Variants in CA5A observed in about 807,000 individuals in gnomAD.
CA5A encodes carbonic anhydrase 5A, mitochondrial.
Under a neutral mutation model 37.1 loss-of-function variants are expected in CA5A, and 28 were observed. That is an observed-to-expected ratio of 0.75 (90% CI 0.56 to 1.03). CA5A has a LOEUF of 1.03. Ranked by LOEUF, CA5A falls within the 50% of genes least tolerant of loss-of-function variation. The pLI is 0.00. For synonymous variants in CA5A, 171 were observed against 158.4 expected, an observed-to-expected ratio of 1.08 and a Z score of -0.60; for missense variants, 444 against 399.9, an observed-to-expected ratio of 1.11 and a Z score of -0.94.
At chr16:87,924,072 G>A (rs1026635370) in intron 2 of CA5A, 2 of 985,428 alleles carry the variant, frequency 2.0e-6, no homozygotes, top group Non-Finnish European at 2.4e-6. Flanking sequence ...CTGAATAAAT[G>A]AATGCAAAAA....
chr16:87,936,097 G>A (rs2056466687), intron 1 of CA5A, among the ~76,000 whole-genome samples: 1 of 151,568 alleles, frequency 6.6e-6, no homozygotes, highest in Non-Finnish European at 1.5e-5. Context: ...GCTTGAACCC[G>A]GGAAGTGGAG....
chr16:87,892,337 C>T (rs2055729730), intron 5 of CA5A: 1 of 155,326 alleles, frequency 6.4e-6, no homozygotes, highest in South Asian at 1.9e-4. Flanking sequence ...TGGTGAAACC[C>T]TGTCTCTACT....
chr16:87,893,863 C>T (rs571590651), intron 5 of CA5A: 2 of 253,418 alleles, frequency 7.9e-6, no homozygotes, highest in South Asian at 8.7e-5. Context: ...GGCTCTAATT[C>T]CTGGGCTCAA....
rs8047618 is a variant in CA5A at position 87,913,077 on chromosome 16, A to G, written c.341-8173T>C. Among the ~76,000 whole-genome samples, 403 of 149,424 alleles carry G rather than the reference A, an allele frequency of 2.7e-3. 3 individuals carry two copies. Among genetic ancestry groups the G allele is most frequent in the African/African-American group, 9.0e-3 (367 of 40,560 alleles). On this transcript the variant is annotated intron_variant, in intron 2 of 6. Coordinates refer to ENST00000649794, the MANE Select transcript of CA5A (RefSeq NM_001739.2). ...TGGCTCACTGCAGCCTCCGCCTCCT[A>G]GGTTCAAGCAATTCTGCCTCAGCCT...
chr16:87,920,576 C>T (rs767427226), intron 2 of CA5A, among the ~76,000 whole-genome samples: 1 of 152,042 alleles, frequency 6.6e-6, no homozygotes, highest in Non-Finnish European at 1.5e-5. Context: ...TCCCAAAGCA[C>T]TGGGATTACA....
At chr16:87,927,467 G>A (rs1165184581) in intron 1 of CA5A, among the ~76,000 whole-genome samples, 10 of 152,220 alleles carry the variant, frequency 6.6e-5, no homozygotes, top group Non-Finnish European at 1.2e-4. Context: ...AGACCCCAGT[G>A]TGGAGAAAAT....
At chr16:87,895,175 C>T (rs369007744) in intron 5 of CA5A, among the ~76,000 whole-genome samples, 2 of 151,858 alleles carry the variant, frequency 1.3e-5, no homozygotes, top group Non-Finnish European at 2.9e-5. Flanking sequence ...GCTTGAGCCC[C>T]GGAGGTTGAG....
rs148561487 is a variant in CA5A at position 87,888,850 on chromosome 16, T to G, written c.775-578A>C. Reference sequence around the variant, plus strand: ...TCGCTGCAACCTCCGCCTCCCAGGTTCAAGCGATTCTCCTGCCTCGGCCTC... The same window carrying G: ...TCGCTGCAACCTCCGCCTCCCAGGTGCAAGCGATTCTCCTGCCTCGGCCTC... On this transcript the variant is annotated intron_variant, in intron 6 of 6. Transcript: ENST00000649794. Among the ~76,000 whole-genome samples, 1,398 of 152,250 alleles carry G rather than the reference T, an allele frequency of 9.2e-3. 33 individuals carry two copies. Among genetic ancestry groups the G allele is most frequent in the African/African-American group, 0.032 (1,350 of 41,540 alleles).
intron 1 of CA5A, among the ~76,000 whole-genome samples, chr16:87,929,880 A>AAAT (rs1430860091): frequency 5.9e-5 from 9 of 151,350 alleles, no homozygotes; most frequent in Non-Finnish European, 1.2e-4. Flanking sequence ...TCAAAAAAAA[A>AAAT]AAAAAAAAAA....
intron 5 of CA5A, chr16:87,893,156 T>TC: frequency 2.2e-6 from 1 of 454,120 alleles, no homozygotes; most frequent in Non-Finnish European, 3.9e-6. Context: ...CTTTTTTTTT[T>TC]CAGACAGAGT....
intron 2 of CA5A, among the ~76,000 whole-genome samples, chr16:87,915,973 G>T (rs192863874): frequency 1.3e-5 from 2 of 151,950 alleles, no homozygotes; most frequent in Non-Finnish European, 2.9e-5. Context: ...GGCTGGGGAG[G>T]CCTCGCAATC....
intron 6 of CA5A, among the ~76,000 whole-genome samples, chr16:87,891,145 A>G (rs551005535): frequency 6.8e-4 from 50 of 74,046 alleles, no homozygotes; most frequent in Non-Finnish European, 9.1e-4. Context: ...TAATTTTCGA[A>G]AAAAAAAAAA....
chr16:87,896,571 G>A (rs929474634), intron 5 of CA5A, among the ~76,000 whole-genome samples: 8 of 152,224 alleles, frequency 5.3e-5, no homozygotes, highest in African/African-American at 1.9e-4. Context: ...GGATGGCCCA[G>A]CTACCTGTGG....
At chr16:87,913,196 C>G (rs1464561256) in intron 2 of CA5A, among the ~76,000 whole-genome samples, 1 of 152,110 alleles carries the variant, frequency 6.6e-6, no homozygotes, top group Non-Finnish European at 1.5e-5. Context: ...CCAGGCTGGT[C>G]TCAAACTCCT....
chr16:87,935,902 G>A (rs917805183), intron 1 of CA5A, among the ~76,000 whole-genome samples: 16 of 151,862 alleles, frequency 1.1e-4, no homozygotes, highest in East Asian at 1.9e-4. Context: ...GCCGGGCGCC[G>A]TGGCTGATGC....
At chr16:87,904,351 A>C (rs558410071) in intron 3 of CA5A, among the ~76,000 whole-genome samples, 1 of 151,516 alleles carries the variant, frequency 6.6e-6, no homozygotes, top group South Asian at 2.1e-4. Flanking sequence ...AAAAAAAAAA[A>C]ACCAAAAACC....
chr16:87,915,757 T>C (rs948488709), intron 2 of CA5A, among the ~76,000 whole-genome samples: 35 of 150,204 alleles, frequency 2.3e-4, no homozygotes, highest in Non-Finnish European at 4.6e-4. Context: ...GTAAACATAG[T>C]TACTGATATT....
At chr16:87,924,146 T>G (rs1252477057) in intron 2 of CA5A, 1 of 985,292 alleles carries the variant, frequency 1.0e-6, no homozygotes, top group Admixed American at 6.1e-5. Context: ...TTGTCCCACT[T>G]TCCCTCTTCT....
chr16:87,934,031 A>G (rs1161401479), intron 1 of CA5A, among the ~76,000 whole-genome samples: 3 of 152,232 alleles, frequency 2.0e-5, no homozygotes, highest in African/African-American at 7.2e-5. Flanking sequence ...CCACAGTAAG[A>G]AATGGAATGC....
Sources: allele counts gnomAD v4.1 joint callset (sites outside exome capture counted in the v4.1 genomes callset), GRCh38; gene constraint gnomAD v4.1.1; transcripts MANE v1.5; gene names NCBI Gene and HGNC (gene_info 2026-07-23, HGNC 2026-07-21).